The following PAPPA2 variants were observed in gnomAD, a reference collection of about 807,000 sequenced individuals.
PAPPA2 encodes pappalysin 2.
In PAPPA2, 86 loss-of-function variants were observed where a neutral mutation model predicts 176.4. That is an observed-to-expected ratio of 0.49 (90% CI 0.41 to 0.58). The LOEUF is 0.58. PAPPA2 is among the 20% of genes least tolerant of loss of function. PAPPA2 has a pLI of 0.00. For missense variants in PAPPA2, 2,073 were observed against 2,256.9 expected, an observed-to-expected ratio of 0.92 and a Z score of 1.65; for synonymous variants, 809 against 852.2, an observed-to-expected ratio of 0.95 and a Z score of 0.88.
chr1:176,702,774 T>TGA (rs1553394147), intron 9 of PAPPA2, 39 bp downstream of exon 9: 26 of 1,435,594 alleles, frequency 1.8e-5, no homozygotes, highest in African/African-American at 1.3e-4. Context: ...TGTGTGTGTG[T>TGA]GTGAGAGAGA....
At chr1:176,600,277 A>T (rs2102659086) in intron 3 of PAPPA2, among the ~76,000 whole-genome samples, 1 of 152,274 alleles carries the variant, frequency 6.6e-6, no homozygotes, top group Non-Finnish European at 1.5e-5. Flanking sequence ...AGGACTTTTG[A>T]TTCATAGAGA....
intron 4 of PAPPA2, among the ~76,000 whole-genome samples, chr1:176,676,624 G>A (rs1307537021): frequency 1.3e-5 from 2 of 152,084 alleles, no homozygotes; most frequent in East Asian, 3.9e-4. Context: ...ATGTATGTGT[G>A]ACATAAAGGA....
intron 18 of PAPPA2, 24 bp downstream of exon 18, chr1:176,790,001 T>C: frequency 1.2e-6 from 2 of 1,611,028 alleles, no homozygotes; most frequent in East Asian, 2.2e-5. Flanking sequence ...TTTGAACTTA[T>C]TTTCATCAGG....
At chr1:176,834,432 G>A (rs1056261010) in intron 21 of PAPPA2, among the ~76,000 whole-genome samples, 2 of 152,164 alleles carry the variant, frequency 1.3e-5, no homozygotes, top group South Asian at 4.1e-4. Flanking sequence ...GTTGAACAAC[G>A]ACATTTCCTT....
At chr1:176,792,595 T>C (rs1386478365) in intron 19 of PAPPA2, among the ~76,000 whole-genome samples, 2 of 152,190 alleles carry the variant, frequency 1.3e-5, no homozygotes, top group Non-Finnish European at 2.9e-5. Context: ...TTGATTGTTT[T>C]AAAAGTCACT....
chr1:176,606,179 T>C (rs1463040311), intron 3 of PAPPA2, among the ~76,000 whole-genome samples: 6 of 152,094 alleles, frequency 3.9e-5, no homozygotes, highest in African/African-American at 1.4e-4. Flanking sequence ...ATTTTGATTA[T>C]ATGTATTTTA....
chr1:176,498,327 T>C (rs1647746186), intron 1 of PAPPA2, among the ~76,000 whole-genome samples: 1 of 152,102 alleles, frequency 6.6e-6, no homozygotes, highest in Non-Finnish European at 1.5e-5. Flanking sequence ...TGTTAGCAAT[T>C]CTCTCTCCTT....
intron 21 of PAPPA2, among the ~76,000 whole-genome samples, chr1:176,826,926 G>A (rs1223202021): frequency 6.6e-6 from 1 of 152,192 alleles, no homozygotes; most frequent in African/African-American, 2.4e-5. Flanking sequence ...CCATGACTCA[G>A]ACCTTTGATT....
At chr1:176,552,995 T>C (rs1437654038) in intron 1 of PAPPA2, among the ~76,000 whole-genome samples, 1 of 152,072 alleles carries the variant, frequency 6.6e-6, no homozygotes, top group African/African-American at 2.4e-5. Context: ...TTTATGTCTA[T>C]ATAAATTTGG....
chr1:176,604,416 A>C (rs895362824), intron 3 of PAPPA2, among the ~76,000 whole-genome samples: 2 of 152,246 alleles, frequency 1.3e-5, no homozygotes, highest in Non-Finnish European at 2.9e-5. Flanking sequence ...AGTATTCAAT[A>C]AATAATTGTT....
chr1:176,490,125 A>G (rs955282379), intron 1 of PAPPA2, among the ~76,000 whole-genome samples: 1 of 151,880 alleles, frequency 6.6e-6, no homozygotes, highest in Admixed American at 6.6e-5. Context: ...GGAAAGAAGC[A>G]AAGTTTCTTT....
At chr1:176,730,942 A>T (rs1662112121) in intron 12 of PAPPA2, among the ~76,000 whole-genome samples, 2 of 151,896 alleles carry the variant, frequency 1.3e-5, no homozygotes, top group South Asian at 2.1e-4. Context: ...TTTATTAGAT[A>T]TTTTTTTCTC....
chr1:176,538,549 C>T (rs1160249034), intron 1 of PAPPA2, among the ~76,000 whole-genome samples: 1 of 152,190 alleles, frequency 6.6e-6, no homozygotes, highest in Admixed American at 6.5e-5. Context: ...TTCCGCTGAA[C>T]AAGGTCTCAT....
chr1:176,487,534 GGGT>G (rs1652699390), intron 1 of PAPPA2, among the ~76,000 whole-genome samples: 1 of 152,216 alleles, frequency 6.6e-6, no homozygotes, highest in South Asian at 2.1e-4. Flanking sequence ...ATAGCCAAGT[GGGT>G]GGCCAGGGCT....
At chr1:176,814,822 T>C (rs1217607044) in intron 21 of PAPPA2, among the ~76,000 whole-genome samples, 1 of 152,218 alleles carries the variant, frequency 6.6e-6, no homozygotes, top group Non-Finnish European at 1.5e-5. Context: ...AATACTGTGT[T>C]GAATGGGAGT....
At chr1:176,685,811 T>C (rs1659811309) in intron 4 of PAPPA2, among the ~76,000 whole-genome samples, 1 of 152,250 alleles carries the variant, frequency 6.6e-6, no homozygotes, top group African/African-American at 2.4e-5. Context: ...GCATTCCTCT[T>C]ATTAAATTTT....
chr1:176,538,933 C>A (rs911272744), intron 1 of PAPPA2, among the ~76,000 whole-genome samples: 1 of 152,152 alleles, frequency 6.6e-6, no homozygotes, highest in African/African-American at 2.4e-5. Context: ...TTGACATAAC[C>A]TTTAAGGATT....
intron 2 of PAPPA2, among the ~76,000 whole-genome samples, chr1:176,593,808 G>T (rs886338805): frequency 6.6e-6 from 1 of 152,214 alleles, no homozygotes; most frequent in Non-Finnish European, 1.5e-5. Context: ...TACTGCGGTG[G>T]GTGGTATTGG....
intron 1 of PAPPA2, among the ~76,000 whole-genome samples, chr1:176,490,143 CT>C (rs199759125): frequency 0.019 from 2,685 of 139,538 alleles, 153 homozygotes; most frequent in East Asian, 0.19. Context: ...TTTTAAGTGT[CT>C]TTTTTTTTTT....
Sources: allele counts gnomAD v4.1 joint callset (sites outside exome capture counted in the v4.1 genomes callset), GRCh38; gene constraint gnomAD v4.1.1; transcripts MANE v1.5; gene names NCBI Gene and HGNC (gene_info 2026-07-23, HGNC 2026-07-21).